GNAS: variants seen among roughly 807,000 people sequenced by gnomAD.
GNAS encodes the protein protein ALEX.
Under a neutral mutation model 54.5 loss-of-function variants are expected in GNAS, and 8 were observed. The ratio of observed to expected loss-of-function variants is 0.15; its 90% confidence interval spans 0.09 to 0.26. The LOEUF is 0.26. GNAS is among the 10% of genes least tolerant of loss of function. The probability of loss-of-function intolerance (pLI) is 1.00; values close to 1 mark genes in which losing one functional copy is unlikely to be tolerated. For missense variants in GNAS, 170 were observed against 529.8 expected (o/e 0.32, Z 6.67); for synonymous variants, 204 against 191.4 (o/e 1.07, Z -0.54).
At chr20:58,892,827 C>A (rs764553717) in intron 1 of GNAS, among the ~76,000 whole-genome samples, 10 of 151,904 alleles carry the variant, frequency 6.6e-5, no homozygotes, top group African/African-American at 2.4e-4. Flanking sequence ...TCCAGACTTG[C>A]AGGCTTTTTC....
Position 58,853,995 on chromosome 20 carries a change from C to A in GNAS, c.43+13109C>A. On this transcript the variant is annotated intron_variant, in intron 1 of 12. Coordinates refer to the GNAS transcript ENST00000306090. The surrounding 1 kb of genome is among the most constrained non-coding windows in gnomAD (Gnocchi z 4.4). Reference sequence around the variant, plus strand: ...CGACAGCCCACCCCCGGGGCTTTCCCGAGTTATCGCACAAGTCGACGGCAG... The same window carrying A: ...CGACAGCCCACCCCCGGGGCTTTCCAGAGTTATCGCACAAGTCGACGGCAG... 1 of 1,611,950 alleles carries A rather than the reference C, an allele frequency of 6.2e-7. No homozygotes were observed. The highest frequency in any genetic ancestry group is 1.7e-4 in the Middle Eastern group (1 of 6,058).
rs1555891584 is a variant in GNAS at position 58,909,738 on chromosome 20, G to T, written c.773G>T (p.Arg258Leu). The T allele has an allele frequency of 6.2e-7, 1 of 1,613,788 alleles. No individual in the cohort carries two copies. The highest frequency in any genetic ancestry group is 1.1e-5 in the South Asian group (1 of 91,060). ...VASSSYNMVIREDNQTNRLQE... is the reference protein window; with the variant it reads ...VASSSYNMVILEDNQTNRLQE... ...AGCAGCAGCTACAACATGGTCATCCGGGAGGACAACCAGACCAACCGCCTG... is the reference window on the plus strand; with the variant it reads ...AGCAGCAGCTACAACATGGTCATCCTGGAGGACAACCAGACCAACCGCCTG... The change falls in exon 10 of 13, where the codon CGG (arginine) becomes CTG (leucine). Residue 258 changes from arginine (R) to leucine (L), a missense_variant. This residue lies in a region of GNAS where 36 missense variants were observed against 223.0 expected (regional missense o/e 0.16). Transcript: ENST00000371085. This position sits in a 1 kb window ranked among gnomAD's most constrained non-coding sequence, Gnocchi z 7.3.
upstream of GNAS, chr20:58,889,406 G>A: frequency 1.0e-6 from 1 of 981,796 alleles, no homozygotes; most frequent in Non-Finnish European, 1.2e-6. Flanking sequence ...GCCCGGCGCA[G>A]GCAAGAGCCG....
In GNAS at chr20:58,856,036, C is replaced by G. The variant is rs561312235; in HGVS notation, c.43+15150C>G. On this transcript the variant is annotated intron_variant, in intron 1 of 12. Coordinates refer to the GNAS transcript ENST00000306090. This position sits in a 1 kb window ranked among gnomAD's most constrained non-coding sequence, Gnocchi z 4.2. ...ACACGCGGGGAAGGTGGCGGGGCCT[C>G]CCGGGAAATAAGCGGGGCCCTTGGC... The G allele has an allele frequency of 4.0e-5, 8 of 200,936 alleles. No individual in the cohort carries two copies. The highest frequency in any genetic ancestry group is 8.1e-5 in the Non-Finnish European group (8 of 98,558). The allele number at this position is 200,936 out of a possible 1,614,324, so 12.4% of individuals were successfully genotyped here. A position where few individuals can be genotyped will look rare whatever the true frequency, so the allele number is the denominator to read the frequency against.
At chr20:58,895,330 C>A (rs2089943141) in intron 1 of GNAS, 1 of 445,456 alleles carries the variant, frequency 2.2e-6, no homozygotes, top group Admixed American at 3.5e-5. Context: ...CTTTCCAACA[C>A]CACCCCACAA....
In GNAS at chr20:58,891,667, A is replaced by AGGCCGCCCGCGCC; in HGVS notation, c.-59_-47dup. 1.0e-6 allele frequency: 1 copy of AGGCCGCCCGCGCC among 953,076 alleles called. No homozygotes were observed. Among genetic ancestry groups the AGGCCGCCCGCGCC allele is most frequent in the Non-Finnish European group, 1.2e-6 (1 of 817,130 alleles). The allele number at this position is 953,076 out of a possible 1,614,324, so 59.0% of individuals were successfully genotyped here. A position where few individuals can be genotyped will look rare whatever the true frequency, so the allele number is the denominator to read the frequency against. On this transcript the variant is annotated 5_prime_UTR_variant, in exon 1 of 13. Transcript: ENST00000371085. ...TGCCCCGGCCCTCCCGGCCCGCGTG[A>AGGCCGCCCGCGCC]GGCCGCCCGCGCCCGCCGCCGCCGC...
chr20:58,902,176 T>G (rs890140551), intron 3 of GNAS, among the ~76,000 whole-genome samples: 2 of 152,128 alleles, frequency 1.3e-5, no homozygotes, highest in Non-Finnish European at 2.9e-5. Context: ...GTAGCACCTT[T>G]TTTCCGCATG....
Position 58,853,383 on chromosome 20 carries a change from G to A in GNAS, c.43+12497G>A, listed in dbSNP as rs776193516. On this transcript the variant is annotated intron_variant, in intron 1 of 12. Transcript: ENST00000306090. This position sits in a 1 kb window ranked among gnomAD's most constrained non-coding sequence, Gnocchi z 4.4. ...GGAGGCCCCAGGGGCAGCTGCCCCCGGTGCTGGGCCTAGCCCAGCCGAAGA... is the reference window on the plus strand; with the variant it reads ...GGAGGCCCCAGGGGCAGCTGCCCCCAGTGCTGGGCCTAGCCCAGCCGAAGA... 1.7e-5 allele frequency: 26 copies of A among 1,559,778 alleles called. No individual in the cohort carries two copies. In the South Asian group the frequency reaches 2.5e-4, roughly 15 times the overall value.
chr20:58,910,473 T>G lies in GNAS; in HGVS notation c.1038+72T>G. The stretch of plus-strand genomic sequence containing the variant: ...TCTCATGGATGTAAATTTACTTAAT[T>G]CCAAATTCAGGGGTTCAGCTACCCA... On this transcript the variant is annotated intron_variant, in intron 12 of 12. Transcript: ENST00000371085. The surrounding 1 kb of genome is among the most constrained non-coding windows in gnomAD (Gnocchi z 5.8). 1 of 1,324,972 alleles carries G rather than the reference T, an allele frequency of 7.5e-7. No homozygotes were observed. Among genetic ancestry groups the G allele is most frequent in the Non-Finnish European group, 1.1e-6 (1 of 918,168 alleles). 82.1% of individuals were successfully genotyped at this position (1,324,972 alleles called of 1,614,324 possible). A position where few individuals can be genotyped will look rare whatever the true frequency, so the allele number is the denominator to read the frequency against.
intron 1 of GNAS, among the ~76,000 whole-genome samples, chr20:58,864,954 C>CACAA (rs2086966659): frequency 6.6e-6 from 1 of 151,670 alleles, no homozygotes; most frequent in East Asian, 1.9e-4. Context: ...CACACACACA[C>CACAA]ACAAACACAC....
chr20:58,898,114 C>T (rs2090244280), intron 2 of GNAS: 2 of 152,180 alleles, frequency 1.3e-5, no homozygotes, highest in Admixed American at 1.3e-4. Context: ...CATTTAGTGC[C>T]AGGAACAAAA....
chr20:58,880,551 T>G (rs2088159631), intron 1 of GNAS, among the ~76,000 whole-genome samples: 1 of 152,220 alleles, frequency 6.6e-6, no homozygotes. Context: ...GTCATGTTTC[T>G]AAAAGGACAA....
intron 1 of GNAS, among the ~76,000 whole-genome samples, chr20:58,875,368 A>C (rs965802382): frequency 2.6e-5 from 4 of 152,220 alleles, no homozygotes; most frequent in Non-Finnish European, 5.9e-5. Context: ...CTCGTAAGGG[A>C]CATGTGCATT....
chr20:58,845,677 C>CT (rs1351277068), intron 1 of GNAS, among the ~76,000 whole-genome samples: 2 of 152,138 alleles, frequency 1.3e-5, no homozygotes, highest in Non-Finnish European at 2.9e-5. Flanking sequence ...TTTTCTTTCC[C>CT]TTGTTTAAAA....
chr20:58,841,785 G>C lies in GNAS; in HGVS notation c.43+899G>C, dbSNP rs2085740169. ...GCCAAGCTTTTGGCGCAGCTGGTCGGGTGGCCAGGCTGCATGCGGCTTAGC... is the reference window on the plus strand; with the variant it reads ...GCCAAGCTTTTGGCGCAGCTGGTCGCGTGGCCAGGCTGCATGCGGCTTAGC... On this transcript the variant is annotated intron_variant, in intron 1 of 12. Transcript: ENST00000306090. The surrounding 1 kb of genome is among the most constrained non-coding windows in gnomAD (Gnocchi z 5.0). 8.1e-7 allele frequency: 1 copy of C among 1,230,514 alleles called. No homozygotes were observed. Among genetic ancestry groups the C allele is most frequent in the Admixed American group, 4.2e-5 (1 of 23,694 alleles). The allele number at this position is 1,230,514 out of a possible 1,614,324, so 76.2% of individuals were successfully genotyped here.
rs1473273436 is a variant in GNAS at position 58,854,074 on chromosome 20, C to T, written c.43+13188C>T. On this transcript the variant is annotated intron_variant, in intron 1 of 12. Transcript: ENST00000306090. ...AGTGCGGTCCGCCTCACTCCCGCCG[C>T]GAACGCGCCTCCCCTCTGGGTCCCA... The T allele has an allele frequency of 1.2e-6, 2 of 1,611,918 alleles. No individual in the cohort carries two copies. Among genetic ancestry groups the T allele is most frequent in the Non-Finnish European group, 1.7e-6 (2 of 1,179,670 alleles).
At chr20:58,862,011 T>C (rs1466012180) in intron 1 of GNAS, among the ~76,000 whole-genome samples, 1 of 151,954 alleles carries the variant, frequency 6.6e-6, no homozygotes, top group East Asian at 1.9e-4. Flanking sequence ...GGCCTTTTTT[T>C]CTTAATTCCC....
At chr20:58,895,885 C>G (rs533243880) in intron 2 of GNAS, among the ~76,000 whole-genome samples, 1 of 152,090 alleles carries the variant, frequency 6.6e-6, no homozygotes, top group Non-Finnish European at 1.5e-5. Context: ...GCAACAAATA[C>G]TACTGATGAA....
upstream of GNAS, chr20:58,889,222 C>CG (rs1555882377): frequency 4.4e-5 from 53 of 1,199,818 alleles, no homozygotes; most frequent in Middle Eastern, 3.6e-4. Flanking sequence ...AGGTGGCTGG[C>CG]CGGCGCGGCG....
Sources: allele counts gnomAD v4.1 joint callset (sites outside exome capture counted in the v4.1 genomes callset), GRCh38; gene constraint gnomAD v4.1.1; regional missense constraint gnomAD v4.1.1; non-coding constraint Gnocchi (gnomAD v3.1); transcripts MANE v1.5; gene names NCBI Gene and HGNC (gene_info 2026-07-23, HGNC 2026-07-21).